Variants in DNAJC1 observed in about 807,000 individuals in gnomAD.
DNAJC1 encodes the protein DnaJ heat shock protein family (Hsp40) member C1, also known as dnaJ homolog subfamily C member 1.
DNAJC1 carries 58 observed loss-of-function variants against 76.6 expected under a neutral mutation model. The ratio of observed to expected loss-of-function variants is 0.76; its 90% CI spans 0.61 to 0.94. The LOEUF is 0.94. DNAJC1 is among the 40% of genes least tolerant of loss of function. DNAJC1 has a pLI of 0.00. For synonymous variants in DNAJC1, 258 were observed against 267.9 expected (o/e 0.96, Z 0.36); for missense variants, 689 against 677.3 (o/e 1.02, Z -0.19).
chr10:21,854,506 CT>C (rs1835802807), intron 8 of DNAJC1, among the ~76,000 whole-genome samples: 1 of 151,972 alleles, frequency 6.6e-6, no homozygotes, highest in African/African-American at 2.4e-5. Context: ...ATTTAAGTAT[CT>C]GTTTTACATA....
chr10:21,844,294 G>T (rs1242905280), intron 8 of DNAJC1, among the ~76,000 whole-genome samples: 1 of 151,366 alleles, frequency 6.6e-6, no homozygotes, highest in African/African-American at 2.4e-5. Flanking sequence ...TTTTAGTACA[G>T]GTTGGGTTTC....
intron 9 of DNAJC1, among the ~76,000 whole-genome samples, chr10:21,804,571 C>A (rs940880562): frequency 6.6e-6 from 1 of 151,276 alleles, no homozygotes; most frequent in Non-Finnish European, 1.5e-5. Flanking sequence ...ATAAAACACA[C>A]CATCCAGTAA....
intron 8 of DNAJC1, among the ~76,000 whole-genome samples, chr10:21,879,670 T>C (rs1014360511): frequency 3.3e-5 from 5 of 152,198 alleles, no homozygotes; most frequent in Non-Finnish European, 7.3e-5. Flanking sequence ...TAAGTTTACA[T>C]TGTAGCTTAG....
intron 1 of DNAJC1, among the ~76,000 whole-genome samples, chr10:21,960,242 A>G (rs1366222124): frequency 6.6e-6 from 1 of 152,230 alleles, no homozygotes; most frequent in Admixed American, 6.5e-5. Flanking sequence ...TTAACATCTT[A>G]AACTTGTAAC....
intron 8 of DNAJC1, among the ~76,000 whole-genome samples, chr10:21,857,332 A>C (rs1210213591): frequency 6.6e-6 from 1 of 152,064 alleles, no homozygotes; most frequent in Non-Finnish European, 1.5e-5. Context: ...AAAACCACTA[A>C]ATTTTTGTGT....
chr10:21,842,494 C>T (rs763970691), intron 8 of DNAJC1, among the ~76,000 whole-genome samples: 1 of 152,108 alleles, frequency 6.6e-6, no homozygotes, highest in African/African-American at 2.4e-5. Context: ...GAATAAGTTA[C>T]AAGTACAGAT....
chr10:21,800,402 C>G (rs1190442691), intron 9 of DNAJC1, among the ~76,000 whole-genome samples: 2 of 152,176 alleles, frequency 1.3e-5, no homozygotes, highest in African/African-American at 4.8e-5. Flanking sequence ...TATTCTTGAA[C>G]TAAGCAGCTT....
intron 8 of DNAJC1, among the ~76,000 whole-genome samples, chr10:21,879,049 AAACT>A (rs1464014477): frequency 6.6e-6 from 1 of 152,240 alleles, no homozygotes. Context: ...TGCTATTTAT[AAACT>A]AACAAGCAGG....
chr10:21,875,797 C>T (rs567538421), intron 8 of DNAJC1, among the ~76,000 whole-genome samples: 14 of 152,134 alleles, frequency 9.2e-5, no homozygotes, highest in African/African-American at 1.9e-4. Flanking sequence ...TGGCAGCAGG[C>T]GTCTGTAATC....
intron 9 of DNAJC1, among the ~76,000 whole-genome samples, chr10:21,787,406 AGAGGAG>A (rs939803442): frequency 6.6e-6 from 1 of 151,664 alleles, no homozygotes; most frequent in Non-Finnish European, 1.5e-5. Flanking sequence ...AAAAGAAGGA[AGAGGAG>A]GAGGAGGAGA....
intron 9 of DNAJC1, among the ~76,000 whole-genome samples, chr10:21,771,837 T>C (rs1448002387): frequency 6.6e-6 from 1 of 152,234 alleles, no homozygotes; most frequent in African/African-American, 2.4e-5. Context: ...TACTGCTTTT[T>C]ATTCTATTGA....
chr10:21,911,261 C>A (rs1055100449), intron 6 of DNAJC1, among the ~76,000 whole-genome samples: 2 of 152,074 alleles, frequency 1.3e-5, no homozygotes, highest in South Asian at 2.1e-4. Context: ...TAGCCCAAAT[C>A]TTCTCTTTCG....
chr10:21,880,169 C>T (rs975883680), intron 8 of DNAJC1, among the ~76,000 whole-genome samples: 1 of 152,218 alleles, frequency 6.6e-6, no homozygotes, highest in Admixed American at 6.5e-5. Flanking sequence ...GCAATTCAGT[C>T]ACATCTTCAG....
At chr10:21,762,390 A>G (rs1834252082) in intron 10 of DNAJC1, among the ~76,000 whole-genome samples, 1 of 152,224 alleles carries the variant, frequency 6.6e-6, no homozygotes, top group African/African-American at 2.4e-5. Context: ...AAAATACTCA[A>G]TTAAAGGTCT....
chr10:21,945,219 T>C (rs1837485144), intron 1 of DNAJC1, among the ~76,000 whole-genome samples: 1 of 152,218 alleles, frequency 6.6e-6, no homozygotes, highest in South Asian at 2.1e-4. Flanking sequence ...TACTAAAAGT[T>C]ATCAACTGGA....
At chr10:21,993,117 T>TAC (rs1838353706) in intron 1 of DNAJC1, among the ~76,000 whole-genome samples, 1 of 151,724 alleles carries the variant, frequency 6.6e-6, no homozygotes, top group African/African-American at 2.4e-5. Context: ...ATATTTACCA[T>TAC]ATATATATAC....
chr10:22,003,244 A>T lies in DNAJC1; in HGVS notation c.191T>A (p.Leu64His), dbSNP rs778005922. The T allele has an allele frequency of 6.4e-7, 1 of 1,570,898 alleles. No homozygotes were observed. The highest frequency in any genetic ancestry group is 8.6e-7 in the Non-Finnish European group (1 of 1,160,788). The stretch of plus-strand genomic sequence containing the variant: ...CACCCCGAGGAACTGGTAGAAGTTG[A>T]GCTGCACCTCCTCCACTAAGTCAAA... ...ELFDLVEEVQ[L>H]NFYQFLGVQQ... The change falls in exon 1 of 12, where the codon CTC becomes CAC. Residue 64 changes from leucine (L) to histidine (H), a missense_variant. Physicochemically the swap from Leu to His is moderately conservative, Grantham distance 99. Coordinates refer to ENST00000376980, the MANE Select transcript of DNAJC1 (RefSeq NM_022365.4).
intron 10 of DNAJC1, among the ~76,000 whole-genome samples, chr10:21,761,021 A>T (rs548771830): frequency 6.6e-6 from 1 of 152,140 alleles, no homozygotes; most frequent in South Asian, 2.1e-4. Flanking sequence ...TCTACTAAAA[A>T]TACAAAAAAT....
At chr10:21,833,274 A>T (rs775988967) in intron 8 of DNAJC1, among the ~76,000 whole-genome samples, 15 of 152,134 alleles carry the variant, frequency 9.9e-5, no homozygotes, top group Non-Finnish European at 1.9e-4. Context: ...GTTTGAGACC[A>T]GCCTGGCCAA....
Sources: gnomAD v4.1 joint callset for allele counts (sites outside exome capture counted in the v4.1 genomes callset) on GRCh38, gnomAD v4.1.1 for gene constraint, MANE v1.5 for transcripts, NCBI Gene and HGNC (gene_info 2026-07-23, HGNC 2026-07-21) for gene names.